Variants in TRHDE observed in about 807,000 individuals in gnomAD.
TRHDE encodes the protein thyrotropin-releasing hormone-degrading ectoenzyme.
A neutral mutation model predicts 125.7 loss-of-function variants in TRHDE; 72 were observed. The observed-to-expected ratio is 0.57, with a 90% CI of 0.47 to 0.70. The LOEUF (loss-of-function observed/expected upper bound fraction) is 0.70. TRHDE is among the 30% of genes least tolerant of loss of function. The pLI is 0.00. For missense variants in TRHDE, 1,110 were observed against 1,327.1 expected (o/e 0.84, Z 2.54); for synonymous variants, 509 against 509.1 (o/e 1.00, Z 0.00).
chr12:72,636,162 A>G (rs1433058819), intron 15 of TRHDE, among the ~76,000 whole-genome samples: 2 of 152,016 alleles, frequency 1.3e-5, no homozygotes, highest in African/African-American at 2.4e-5. Flanking sequence ...ATGTGTTTGT[A>G]TCCTCTTTTA....
intron 1 of TRHDE, among the ~76,000 whole-genome samples, chr12:72,283,828 T>C (rs191237270): frequency 2.0e-5 from 3 of 152,224 alleles, no homozygotes; most frequent in African/African-American, 7.2e-5. Context: ...AACCTCTCTG[T>C]TGAACTGTTG....
At chr12:72,529,964 A>G (rs773342082) in intron 6 of TRHDE, among the ~76,000 whole-genome samples, 3 of 152,134 alleles carry the variant, frequency 2.0e-5, no homozygotes, top group Non-Finnish European at 4.4e-5. Context: ...GCTATTTGTC[A>G]CAGTGAATGA....
intron 2 of TRHDE, among the ~76,000 whole-genome samples, chr12:72,231,872 CTT>C (rs959059044): frequency 6.6e-6 from 1 of 152,076 alleles, no homozygotes; most frequent in Non-Finnish European, 1.5e-5. Flanking sequence ...ATAAGGAAAA[CTT>C]TTATTTTGTG....
At chr12:72,557,971 A>G (rs1869999515) in intron 7 of TRHDE, among the ~76,000 whole-genome samples, 1 of 152,128 alleles carries the variant, frequency 6.6e-6, no homozygotes, top group South Asian at 2.1e-4. Context: ...ACACACACAC[A>G]CACACACATA....
At chr12:72,434,588 CAAA>C (rs1874655209) in intron 3 of TRHDE, among the ~76,000 whole-genome samples, 1 of 151,814 alleles carries the variant, frequency 6.6e-6, no homozygotes, top group South Asian at 2.1e-4. Context: ...AAATTCCTGT[CAAA>C]AATAAAGGTT....
intron 3 of TRHDE, among the ~76,000 whole-genome samples, chr12:72,427,402 T>C (rs767263453): frequency 1.6e-4 from 24 of 152,266 alleles, no homozygotes; most frequent in Admixed American, 8.5e-4. Flanking sequence ...CTGTAAGTCA[T>C]TTCATCCTAC....
chr12:72,489,752 T>A (rs891624712), intron 5 of TRHDE, among the ~76,000 whole-genome samples: 1 of 151,748 alleles, frequency 6.6e-6, no homozygotes, highest in African/African-American at 2.4e-5. Flanking sequence ...AAAAAGATTG[T>A]GTCTTTAATA....
intron 3 of TRHDE, among the ~76,000 whole-genome samples, chr12:72,424,579 T>G (rs2135831458): frequency 6.6e-6 from 1 of 152,258 alleles, no homozygotes; most frequent in East Asian, 1.9e-4. Context: ...GTTAACTTGT[T>G]ATGCAGCAGT....
chr12:72,284,692 A>G (rs4587772), intron 1 of TRHDE, among the ~76,000 whole-genome samples: 100,163 of 151,682 alleles, frequency 0.66, 33,364 homozygotes, highest in East Asian at 0.83. Context: ...TGAGTTCTAG[A>G]CCCAGCTTTG....
At chr12:72,310,842 T>G (rs1356595208) in intron 2 of TRHDE, among the ~76,000 whole-genome samples, 1 of 152,118 alleles carries the variant, frequency 6.6e-6, no homozygotes, top group Non-Finnish European at 1.5e-5. Flanking sequence ...TGGTATTGAA[T>G]CAAGAATTTA....
At chr12:72,141,431 C>G (rs1044873734) in intron 2 of TRHDE, among the ~76,000 whole-genome samples, 2 of 152,170 alleles carry the variant, frequency 1.3e-5, no homozygotes, top group Non-Finnish European at 2.9e-5. Flanking sequence ...GTGGGCTTAG[C>G]TCTATCCATT....
At chr12:72,444,787 T>C (rs1285846358) in intron 3 of TRHDE, among the ~76,000 whole-genome samples, 1 of 151,776 alleles carries the variant, frequency 6.6e-6, no homozygotes, top group Non-Finnish European at 1.5e-5. Flanking sequence ...GATCACATAG[T>C]GAAAGGAGTG....
chr12:72,532,816 A>G (rs1282330893), intron 6 of TRHDE, among the ~76,000 whole-genome samples: 2 of 150,244 alleles, frequency 1.3e-5, no homozygotes, highest in African/African-American at 4.9e-5. Flanking sequence ...CACATATAAT[A>G]TATATTAACT....
chr12:72,474,494 T>G (rs1407150584), intron 5 of TRHDE, among the ~76,000 whole-genome samples: 2 of 152,120 alleles, frequency 1.3e-5, no homozygotes, highest in African/African-American at 4.8e-5. Flanking sequence ...ATTTGACTAT[T>G]TTAGATTTCT....
At chr12:72,188,903 T>C (rs1284901997) in intron 2 of TRHDE, among the ~76,000 whole-genome samples, 1 of 152,158 alleles carries the variant, frequency 6.6e-6, no homozygotes, top group African/African-American at 2.4e-5. Flanking sequence ...GCAAGAATCT[T>C]CCCCATCCAC....
At chr12:72,401,936 T>C (rs1003553013) in intron 3 of TRHDE, among the ~76,000 whole-genome samples, 1 of 152,196 alleles carries the variant, frequency 6.6e-6, no homozygotes, top group African/African-American at 2.4e-5. Flanking sequence ...TTAAAATGGT[T>C]ACTACTACTG....
intron 2 of TRHDE, among the ~76,000 whole-genome samples, chr12:72,240,190 T>TA (rs1878446298): frequency 6.6e-6 from 1 of 151,822 alleles, no homozygotes; most frequent in Non-Finnish European, 1.5e-5. Context: ...GTTTTATTTT[T>TA]AAAGTTATAT....
chr12:72,627,380 C>T (rs189707825), intron 15 of TRHDE, among the ~76,000 whole-genome samples: 3 of 151,902 alleles, frequency 2.0e-5, no homozygotes, highest in African/African-American at 7.2e-5. Flanking sequence ...TTTTATATAT[C>T]AGTAGTTATA....
At chr12:72,564,133 A>G (rs1870317114) in intron 9 of TRHDE, among the ~76,000 whole-genome samples, 1 of 152,226 alleles carries the variant, frequency 6.6e-6, no homozygotes, top group African/African-American at 2.4e-5. Context: ...CTCTCTCCAT[A>G]TACAGTCTAT....
Sources: gnomAD v4.1 joint callset for allele counts (sites outside exome capture counted in the v4.1 genomes callset) on GRCh38, gnomAD v4.1.1 for gene constraint, MANE v1.5 for transcripts, NCBI Gene and HGNC (gene_info 2026-07-23, HGNC 2026-07-21) for gene names.